SPOCK1: variants seen among roughly 807,000 people sequenced by gnomAD.
SPOCK1 encodes testican-1.
In SPOCK1, 23 loss-of-function variants were observed where a neutral mutation model predicts 55.3. That is an observed-to-expected ratio of 0.42 (90% CI 0.30 to 0.59). The LOEUF (loss-of-function observed/expected upper bound fraction) is 0.59, where lower values mean the gene tolerates loss of function less well. Among genes scored for constraint, SPOCK1 ranks in the 20% least tolerant of loss-of-function variants. The pLI is 0.22. For missense variants in SPOCK1, 499 were observed against 552.5 expected (o/e 0.90, Z 0.97); for synonymous variants, 226 against 221.0 (o/e 1.02, Z -0.20).
intron 2 of SPOCK1, among the ~76,000 whole-genome samples, chr5:137,383,258 T>C (rs544365522): frequency 6.6e-6 from 1 of 152,234 alleles, no homozygotes; most frequent in Admixed American, 6.5e-5. Flanking sequence ...AATCTTAAAG[T>C]CTTAGCATAC....
chr5:137,212,856 G>A (rs777276417), intron 3 of SPOCK1, among the ~76,000 whole-genome samples: 3 of 152,204 alleles, frequency 2.0e-5, no homozygotes, highest in Admixed American at 1.3e-4. Context: ...GGACAAAGAC[G>A]CTGCACAGTC....
chr5:137,492,405 C>T (rs766345328), intron 2 of SPOCK1, among the ~76,000 whole-genome samples: 1 of 152,202 alleles, frequency 6.6e-6, no homozygotes, highest in African/African-American at 2.4e-5. Context: ...ACAAAACCAA[C>T]ATAGGAGCAG....
chr5:137,296,995 A>G (rs192151518), intron 2 of SPOCK1, among the ~76,000 whole-genome samples: 75 of 152,350 alleles, frequency 4.9e-4, no homozygotes, highest in Admixed American at 4.2e-3. Context: ...AAGAGTATCT[A>G]TGTGTGTATA....
chr5:137,443,596 G>T (rs1170065587), intron 2 of SPOCK1, among the ~76,000 whole-genome samples: 1 of 151,994 alleles, frequency 6.6e-6, no homozygotes, highest in Non-Finnish European at 1.5e-5. Flanking sequence ...GCTTCCCCAT[G>T]ACCCCAAACC....
intron 2 of SPOCK1, among the ~76,000 whole-genome samples, chr5:137,349,524 C>A (rs1168008964): frequency 1.3e-5 from 2 of 152,156 alleles, no homozygotes; most frequent in East Asian, 3.9e-4. Context: ...AGAGTAGTCA[C>A]ACAAATGACC....
rs2126964221 is a variant in SPOCK1, at chr5:136,992,486, C to T, written c.704G>A (p.Gly235Asp). 6.2e-7 allele frequency: 1 copy of T among 1,610,354 alleles called. No homozygotes were observed. Among genetic ancestry groups the T allele is most frequent in the Non-Finnish European group, 8.5e-7 (1 of 1,177,928 alleles). The stretch of plus-strand genomic sequence containing the variant: ...TGTGATATTTAAAATGGTCTTACTG[C>T]CTTGGGCTGTGTTGGAGCTGGTGGG... ...IKPTSSNTAQ[G>D]RFDTSILPIC... The change falls in exon 7 of 11, where the codon GGC becomes GAC. Residue 235 changes from glycine (G) to aspartate (D), a missense_variant and splice_region_variant. Physicochemically the swap from Gly to Asp is moderately conservative, Grantham distance 94 (BLOSUM62 -1). Coordinates refer to ENST00000394945, the MANE Select transcript of SPOCK1 (RefSeq NM_004598.4).
chr5:137,296,880 C>A (rs1428043202), intron 2 of SPOCK1, among the ~76,000 whole-genome samples: 6 of 152,144 alleles, frequency 3.9e-5, no homozygotes, highest in Admixed American at 3.9e-4. Flanking sequence ...CCAGGCTACC[C>A]AAGCCCTCCT....
At chr5:137,286,402 T>G (rs921641372) in intron 2 of SPOCK1, among the ~76,000 whole-genome samples, 1 of 152,174 alleles carries the variant, frequency 6.6e-6, no homozygotes, top group African/African-American at 2.4e-5. Flanking sequence ...CTGCCATGGA[T>G]GGTTGTATAG....
chr5:137,070,161 T>C (rs1752585004), intron 5 of SPOCK1, among the ~76,000 whole-genome samples: 1 of 152,154 alleles, frequency 6.6e-6, no homozygotes, highest in Non-Finnish European at 1.5e-5. Flanking sequence ...TTCTCTACCA[T>C]GAAAATGATG....
At chr5:137,233,759 G>T (rs13189692) in intron 3 of SPOCK1, among the ~76,000 whole-genome samples, 1 of 111,180 alleles carries the variant, frequency 9.0e-6, no homozygotes. Flanking sequence ...CTTGTATCCT[G>T]TGACTTTGCC....
intron 2 of SPOCK1, among the ~76,000 whole-genome samples, chr5:137,394,122 A>G (rs1006685184): frequency 4.6e-5 from 7 of 152,152 alleles, no homozygotes; most frequent in Non-Finnish European, 8.8e-5. Context: ...CTTGGTGTGC[A>G]TTGTCATTCA....
intron 2 of SPOCK1, among the ~76,000 whole-genome samples, chr5:137,280,466 T>G (rs1452133711): frequency 6.6e-6 from 1 of 152,232 alleles, no homozygotes; most frequent in Non-Finnish European, 1.5e-5. Flanking sequence ...AGGACTGGAA[T>G]GCACTGAAAG....
chr5:137,374,778 AT>A (rs924452785), intron 2 of SPOCK1, among the ~76,000 whole-genome samples: 8 of 151,654 alleles, frequency 5.3e-5, no homozygotes, highest in African/African-American at 1.7e-4. Flanking sequence ...CAATGTAAGG[AT>A]TTTTTTTTCT....
intron 3 of SPOCK1, among the ~76,000 whole-genome samples, chr5:137,234,227 G>C (rs1351056125): frequency 1.3e-5 from 2 of 152,200 alleles, no homozygotes; most frequent in South Asian, 2.1e-4. Flanking sequence ...GTAGAGGACA[G>C]GATTCTCAGG....
intron 6 of SPOCK1, among the ~76,000 whole-genome samples, chr5:137,053,506 A>G (rs1752247903): frequency 6.6e-6 from 1 of 152,146 alleles, no homozygotes; most frequent in African/African-American, 2.4e-5. Context: ...TGCAAATAAG[A>G]AAGCTTAGTT....
At chr5:137,233,069 G>A (rs542531313) in intron 3 of SPOCK1, among the ~76,000 whole-genome samples, 1 of 152,234 alleles carries the variant, frequency 6.6e-6, no homozygotes, top group South Asian at 2.1e-4. Context: ...TCAGAATACC[G>A]ATCCTAAATA....
intron 2 of SPOCK1, among the ~76,000 whole-genome samples, chr5:137,332,488 T>C (rs146890464): frequency 2.0e-5 from 3 of 152,262 alleles, no homozygotes; most frequent in Non-Finnish European, 4.4e-5. Context: ...ACTTGCCTAA[T>C]GCTTGAAAGA....
At chr5:137,329,327 T>C (rs940045226) in intron 2 of SPOCK1, among the ~76,000 whole-genome samples, 1 of 151,996 alleles carries the variant, frequency 6.6e-6, no homozygotes, top group Non-Finnish European at 1.5e-5. Flanking sequence ...TCAATCTCCA[T>C]AGTCACATGA....
intron 2 of SPOCK1, among the ~76,000 whole-genome samples, chr5:137,290,183 C>G (rs1312358725): frequency 6.6e-6 from 1 of 152,156 alleles, no homozygotes; most frequent in African/African-American, 2.4e-5. Flanking sequence ...AAATTACCCT[C>G]ATTTGAAAAA....
Sources: allele counts gnomAD v4.1 joint callset (sites outside exome capture counted in the v4.1 genomes callset), GRCh38; gene constraint gnomAD v4.1.1; transcripts MANE v1.5; gene names NCBI Gene and HGNC (gene_info 2026-07-23, HGNC 2026-07-21).